SLC25A21: variants seen among roughly 807,000 people sequenced by gnomAD.
SLC25A21 encodes the protein solute carrier family 25 member 21, also known as mitochondrial 2-oxodicarboxylate carrier.
Under a neutral mutation model 43.8 loss-of-function variants are expected in SLC25A21, and 47 were observed. The observed-to-expected ratio is 1.07, with a 90% CI of 0.85 to 1.37. The LOEUF is 1.37. Among genes scored for constraint, SLC25A21 ranks in the 40% most tolerant of loss-of-function variants. The pLI is 0.00. For synonymous variants in SLC25A21, 131 were observed against 121.3 expected, an observed-to-expected ratio of 1.08 and a Z score of -0.52; for missense variants, 352 against 350.2, an observed-to-expected ratio of 1.00 and a Z score of -0.04.
intron 3 of SLC25A21, among the ~76,000 whole-genome samples, chr14:36,769,983 G>A (rs1806899): frequency 0.45 from 68,897 of 152,000 alleles, 16,412 homozygotes; most frequent in East Asian, 0.69. Flanking sequence ...GTATCTTTGA[G>A]AGCGGCAGCC....
intron 1 of SLC25A21, among the ~76,000 whole-genome samples, chr14:37,015,830 T>C (rs993266165): frequency 3.3e-5 from 5 of 152,230 alleles, no homozygotes; most frequent in African/African-American, 7.2e-5. Context: ...TTTGGCTGCA[T>C]AAATGTTTTC....
chr14:37,006,054 G>T (rs1212005025), intron 1 of SLC25A21, among the ~76,000 whole-genome samples: 1 of 152,008 alleles, frequency 6.6e-6, no homozygotes, highest in East Asian at 1.9e-4. Flanking sequence ...AAAAGCCAAG[G>T]ACAAGTTTAG....
At chr14:36,804,925 C>A (rs1887986091) in intron 3 of SLC25A21, among the ~76,000 whole-genome samples, 1 of 152,166 alleles carries the variant, frequency 6.6e-6, no homozygotes, top group Non-Finnish European at 1.5e-5. Flanking sequence ...TGTGACTGTA[C>A]TTCTAGCCCA....
chr14:37,058,678 G>C (rs963335045), intron 1 of SLC25A21, among the ~76,000 whole-genome samples: 3 of 152,196 alleles, frequency 2.0e-5, no homozygotes, highest in Non-Finnish European at 4.4e-5. Context: ...TACAATATCT[G>C]AAATACCAAA....
chr14:37,112,778 T>A (rs1377583821), intron 1 of SLC25A21, among the ~76,000 whole-genome samples: 2 of 152,158 alleles, frequency 1.3e-5, no homozygotes, highest in Admixed American at 1.3e-4. Context: ...GGGAGTCATA[T>A]TTTGGGGAAA....
At chr14:36,893,563 C>G (rs1050803905) in intron 1 of SLC25A21, among the ~76,000 whole-genome samples, 1 of 152,142 alleles carries the variant, frequency 6.6e-6, no homozygotes, top group African/African-American at 2.4e-5. Flanking sequence ...TCCCATTTGT[C>G]AATTTTGGCT....
At chr14:36,893,793 A>G (rs942435005) in intron 1 of SLC25A21, among the ~76,000 whole-genome samples, 2 of 152,196 alleles carry the variant, frequency 1.3e-5, no homozygotes, top group Non-Finnish European at 2.9e-5. Context: ...CCATTTATTA[A>G]ATAGGGAATC....
chr14:36,830,529 C>A (rs1888999952), intron 2 of SLC25A21, among the ~76,000 whole-genome samples: 1 of 151,792 alleles, frequency 6.6e-6, no homozygotes, highest in Admixed American at 6.6e-5. Context: ...CACATGTATC[C>A]TTTTTCTTTT....
At chr14:37,042,510 G>GC (rs1961494816) in intron 1 of SLC25A21, among the ~76,000 whole-genome samples, 2 of 152,030 alleles carry the variant, frequency 1.3e-5, no homozygotes, top group South Asian at 4.1e-4. Flanking sequence ...TAAGATCCAG[G>GC]CACATTTCCT....
At position 36,678,100 on chromosome 14, in the gene SLC25A21, T is replaced by C. The variant is rs959079506; in HGVS notation, c.*2558A>G. On this transcript the variant is annotated 3_prime_UTR_variant, in exon 10 of 10. Transcript: ENST00000331299. ...AGAGCACCTCACTGGATATGGATGT[T>C]GAAGATGGATTCCCTAGGTGATTTT... 5.2e-6 allele frequency: 1 copy of C among 193,490 alleles called. No individual in the cohort carries two copies. The highest frequency in any genetic ancestry group is 2.3e-5 in the African/African-American group (1 of 43,388). The allele number at this position is 193,490 out of a possible 1,614,324, so 12.0% of individuals were successfully genotyped here.
chr14:37,075,183 C>G (rs1482420814), intron 1 of SLC25A21, among the ~76,000 whole-genome samples: 2 of 152,152 alleles, frequency 1.3e-5, no homozygotes, highest in Non-Finnish European at 2.9e-5. Context: ...ACTAATACCT[C>G]TCGACTTAAC....
At chr14:36,779,110 C>G (rs1447583293) in intron 3 of SLC25A21, among the ~76,000 whole-genome samples, 2 of 150,918 alleles carry the variant, frequency 1.3e-5, no homozygotes, top group Non-Finnish European at 3.0e-5. Flanking sequence ...AGCCAAATGT[C>G]CTCTAGGTTC....
At chr14:36,984,780 C>G (rs115694027) in intron 1 of SLC25A21, among the ~76,000 whole-genome samples, 2,522 of 152,128 alleles carry the variant, frequency 0.017, 78 homozygotes, top group African/African-American at 0.058. Flanking sequence ...AAGAGTTTCA[C>G]CAAGTGTCCC....
At chr14:36,995,176 T>C (rs1440445220) in intron 1 of SLC25A21, among the ~76,000 whole-genome samples, 1 of 152,302 alleles carries the variant, frequency 6.6e-6, no homozygotes, top group East Asian at 1.9e-4. Context: ...AAGCAATAAC[T>C]GGCTGGCAAA....
chr14:37,010,618 A>G (rs1440384074), intron 1 of SLC25A21, among the ~76,000 whole-genome samples: 3 of 152,306 alleles, frequency 2.0e-5, no homozygotes, highest in African/African-American at 7.2e-5. Flanking sequence ...GAGTCTACCA[A>G]TTATGAGAGT....
At chr14:37,069,331 A>G (rs2138823117) in intron 1 of SLC25A21, among the ~76,000 whole-genome samples, 2 of 152,364 alleles carry the variant, frequency 1.3e-5, no homozygotes, top group South Asian at 4.1e-4. Context: ...TACTGAGAGT[A>G]TAACATGGTT....
chr14:37,136,700 T>C (rs1963485907), intron 1 of SLC25A21, among the ~76,000 whole-genome samples: 1 of 146,228 alleles, frequency 6.8e-6, no homozygotes, highest in Admixed American at 7.2e-5. Context: ...CTATAACTTA[T>C]ACATGGGAAT....
At chr14:36,997,445 TGTTA>T (rs1566801673) in intron 1 of SLC25A21, among the ~76,000 whole-genome samples, 2 of 152,158 alleles carry the variant, frequency 1.3e-5, no homozygotes, top group Admixed American at 1.3e-4. Context: ...ATAAAATAAC[TGTTA>T]GTTAAGAATA....
chr14:36,679,283 C>T lies in SLC25A21; in HGVS notation c.*1375G>A, dbSNP rs1882073155. On this transcript the variant is annotated 3_prime_UTR_variant, in exon 10 of 10. Transcript: ENST00000331299. ...GTTGGAAAGGATGTACAACAGAAGG[C>T]TATGTATGTATATACAGTATGTCAA... is the stretch of plus-strand genomic sequence containing the variant. 1.0e-6 allele frequency: 1 copy of T among 980,298 alleles called. No homozygotes were observed. The highest frequency in any genetic ancestry group is 1.2e-6 in the Non-Finnish European group (1 of 825,414). The allele number at this position is 980,298 out of a possible 1,614,324, so 60.7% of individuals were successfully genotyped here.
Sources: allele counts gnomAD v4.1 joint callset (sites outside exome capture counted in the v4.1 genomes callset), GRCh38; gene constraint gnomAD v4.1.1; transcripts MANE v1.5; gene names NCBI Gene and HGNC (gene_info 2026-07-23, HGNC 2026-07-21).